The following VTI1A variants were observed in gnomAD, a reference collection of about 807,000 sequenced individuals.
VTI1A encodes vesicle transport through interaction with t-SNAREs 1A, also known as vesicle transport through interaction with t-SNAREs homolog 1A.
In VTI1A, 22 loss-of-function variants were observed where a neutral mutation model predicts 34.9. That is an observed-to-expected ratio of 0.63 (90% confidence interval 0.45 to 0.90). VTI1A has a LOEUF of 0.90. Among genes scored for constraint, VTI1A ranks in the 40% least tolerant of loss-of-function variants. The pLI is 0.00. For synonymous variants in VTI1A, 87 were observed against 97.3 expected (o/e 0.89, Z 0.62); for missense variants, 268 against 275.6 (o/e 0.97, Z 0.20).
intron 3 of VTI1A, 114 bp from the exon 4 acceptor site, chr10:112,526,973 G>A (rs1426261079): frequency 2.3e-6 from 2 of 888,542 alleles, no homozygotes; most frequent in Non-Finnish European, 3.4e-6. Context: ...GTAGCCAATA[G>A]GTTTCCATTA....
intron 3 of VTI1A, among the ~76,000 whole-genome samples, chr10:112,509,056 A>G (rs993913088): frequency 1.3e-5 from 2 of 152,204 alleles, no homozygotes; most frequent in African/African-American, 4.8e-5. Flanking sequence ...TGTGTTGGAC[A>G]TGAGTATTTG....
chr10:112,799,738 T>TTTGGGGTA, intron 7 of VTI1A, among the ~76,000 whole-genome samples: 1 of 152,256 alleles, frequency 6.6e-6, no homozygotes, highest in East Asian at 1.9e-4. Flanking sequence ...TTAATGCTGC[T>TTTGGGGTA]TTGGGGTATG....
chr10:112,702,751 A>G (rs1202478596), intron 7 of VTI1A, among the ~76,000 whole-genome samples: 12 of 152,106 alleles, frequency 7.9e-5, no homozygotes, highest in Non-Finnish European at 1.5e-4. Flanking sequence ...ACACCTGGCT[A>G]ATTTTTGTAT....
intron 7 of VTI1A, among the ~76,000 whole-genome samples, chr10:112,713,386 G>A (rs1323575060): frequency 6.6e-6 from 1 of 151,970 alleles, no homozygotes; most frequent in Non-Finnish European, 1.5e-5. Flanking sequence ...TTATTTTAAG[G>A]GTACTTAAAT....
chr10:112,689,488 G>A (rs796797106), intron 7 of VTI1A, among the ~76,000 whole-genome samples: 1 of 152,198 alleles, frequency 6.6e-6, no homozygotes, highest in African/African-American at 2.4e-5. Flanking sequence ...GCCCTGGTAG[G>A]AGGTGCTGGA....
At chr10:112,632,724 G>A (rs1380484555) in intron 5 of VTI1A, among the ~76,000 whole-genome samples, 1 of 152,154 alleles carries the variant, frequency 6.6e-6, no homozygotes, top group Non-Finnish European at 1.5e-5. Context: ...AGGAACAGGT[G>A]GAAAGTTGGG....
intron 7 of VTI1A, 117 bp downstream of exon 7, chr10:112,669,115 G>C (rs373835179): frequency 1.6e-5 from 18 of 1,115,306 alleles, no homozygotes; most frequent in East Asian, 1.3e-4. Context: ...TTAGTACCCT[G>C]TGCAGGACCC....
intron 3 of VTI1A, among the ~76,000 whole-genome samples, chr10:112,515,522 TTA>T (rs1429697509): frequency 3.3e-5 from 5 of 152,042 alleles, no homozygotes; most frequent in Non-Finnish European, 7.4e-5. Flanking sequence ...TGCTTGTTCT[TTA>T]TGGATATTGA....
intron 3 of VTI1A, among the ~76,000 whole-genome samples, chr10:112,509,026 G>A (rs1209812404): frequency 1.3e-5 from 2 of 152,328 alleles, no homozygotes; most frequent in African/African-American, 2.4e-5. Context: ...GGTCATAACT[G>A]GGATTGGGTC....
intron 3 of VTI1A, among the ~76,000 whole-genome samples, chr10:112,475,810 C>T (rs529885631): frequency 6.6e-6 from 1 of 152,250 alleles, no homozygotes; most frequent in South Asian, 2.1e-4. Flanking sequence ...CTAGATGGCA[C>T]TGTTTGTTTG....
intron 7 of VTI1A, among the ~76,000 whole-genome samples, chr10:112,683,771 C>T (rs1034935189): frequency 1.4e-4 from 22 of 152,104 alleles, no homozygotes; most frequent in African/African-American, 2.4e-5. Flanking sequence ...GGGCCAGGCA[C>T]GGTGGCTTAC....
At chr10:112,447,204 G>A (rs1193085710), upstream of VTI1A, 4 of 616,254 alleles carry the variant, frequency 6.5e-6, no homozygotes, top group Non-Finnish European at 1.1e-5. Flanking sequence ...CCGGAGAACC[G>A]AGATTGCGAC....
the VTI1A span, among the ~76,000 whole-genome samples, chr10:112,845,030 A>G: frequency 1.3e-5 from 2 of 152,190 alleles, no homozygotes; most frequent in African/African-American, 2.4e-5. Context: ...TCAACTCCAG[A>G]GGACTATGAC....
chr10:112,621,737 AT>A (rs1845745248), intron 5 of VTI1A, among the ~76,000 whole-genome samples: 1 of 152,158 alleles, frequency 6.6e-6, no homozygotes, highest in Non-Finnish European at 1.5e-5. Context: ...CAGTCATAGC[AT>A]GTAGCACGAA....
chr10:112,460,679 AT>A, intron 2 of VTI1A, 97 bp downstream of exon 2: 1 of 899,584 alleles, frequency 1.1e-6, no homozygotes, highest in Non-Finnish European at 1.6e-6. Context: ...AATGTGAAGC[AT>A]TGCTGATTAG....
At chr10:112,784,216 T>C (rs1852218222) in intron 7 of VTI1A, among the ~76,000 whole-genome samples, 1 of 152,220 alleles carries the variant, frequency 6.6e-6, no homozygotes, top group Admixed American at 6.5e-5. Context: ...TGTGTACGTG[T>C]CAGAGACCAC....
chr10:112,697,803 A>G (rs564801679), intron 7 of VTI1A, among the ~76,000 whole-genome samples: 2 of 152,106 alleles, frequency 1.3e-5, no homozygotes, highest in Non-Finnish European at 2.9e-5. Flanking sequence ...GCTTTGTTCC[A>G]TAACAAGAAG....
At chr10:112,453,843 TC>T (rs1847330395) in intron 1 of VTI1A, among the ~76,000 whole-genome samples, 1 of 152,200 alleles carries the variant, frequency 6.6e-6, no homozygotes. Context: ...TGCACATTAC[TC>T]CCGGGGTGTT....
At chr10:112,486,120 C>A (rs759747700) in intron 3 of VTI1A, among the ~76,000 whole-genome samples, 1 of 152,102 alleles carries the variant, frequency 6.6e-6, no homozygotes, top group Non-Finnish European at 1.5e-5. Context: ...CTTTACCACG[C>A]GTATGTCTGT....
Sources: gnomAD v4.1 joint callset for allele counts (sites outside exome capture counted in the v4.1 genomes callset) on GRCh38, gnomAD v4.1.1 for gene constraint, MANE v1.5 for transcripts, NCBI Gene and HGNC (gene_info 2026-07-23, HGNC 2026-07-21) for gene names.